Variants in SCN11A observed in about 807,000 individuals in gnomAD.
The protein encoded by SCN11A is sodium voltage-gated channel alpha subunit 11.
SCN11A carries 122 observed loss-of-function variants against 162.2 expected under a neutral mutation model. That is an observed-to-expected ratio of 0.75 (90% CI 0.65 to 0.87). The LOEUF (loss-of-function observed/expected upper bound fraction) is 0.87. Among genes scored for constraint, SCN11A ranks in the 40% least tolerant of loss-of-function variants. The pLI, the probability that SCN11A is intolerant of heterozygous loss-of-function variation, is 0.00. For synonymous variants in SCN11A, 758 were observed against 751.5 expected (o/e 1.01, Z -0.14); for missense variants, 2,015 against 2,181.6 (o/e 0.92, Z 1.52).
At chr3:38,859,043 T>C (rs1379392166) in intron 28 of SCN11A, among the ~76,000 whole-genome samples, 2 of 152,048 alleles carry the variant, frequency 1.3e-5, no homozygotes, top group Non-Finnish European at 2.9e-5. Flanking sequence ...GGAAAGTTTG[T>C]AGCATTAAAT....
intron 7 of SCN11A, among the ~76,000 whole-genome samples, chr3:38,931,451 A>G (rs2066239342): frequency 1.3e-5 from 2 of 152,284 alleles, no homozygotes. Flanking sequence ...AGATGTGTAC[A>G]TGATTTAGAG....
chr3:38,955,825 A>G (rs1237218848), intron 3 of SCN11A, among the ~76,000 whole-genome samples: 1 of 152,256 alleles, frequency 6.6e-6, no homozygotes, highest in Non-Finnish European at 1.5e-5. Context: ...GATGCATGGA[A>G]TCCAAGACAT....
intron 2 of SCN11A, among the ~76,000 whole-genome samples, chr3:38,979,242 G>A (rs2125589715): frequency 6.6e-6 from 1 of 152,350 alleles, no homozygotes; most frequent in South Asian, 2.1e-4. Context: ...GTGACTGAAT[G>A]GTTCCCAGAT....
In SCN11A at chr3:38,967,414, C is replaced by T. The variant is rs144325337; in HGVS notation, c.-279-6991G>A. 7.5e-3 allele frequency among the ~76,000 whole-genome samples: 1,140 copies of T among 152,318 alleles called. 3 individuals carry two copies. Among genetic ancestry groups the T allele is most frequent in the Middle Eastern group, 0.014 (4 of 294 alleles). On this transcript the variant is annotated intron_variant, in intron 2 of 29. Coordinates refer to ENST00000302328, the MANE Select transcript of SCN11A (RefSeq NM_001349253.2). ...CTCAATGAGCCCTACGGAGATTCCA[C>T]GTGGGGAGCATCTGAGGCCTCTTGT...
At chr3:39,034,375 T>C (rs947695189) in intron 1 of SCN11A, among the ~76,000 whole-genome samples, 1 of 152,156 alleles carries the variant, frequency 6.6e-6, no homozygotes, top group Admixed American at 6.5e-5. Context: ...CAATTGATGC[T>C]GAGAAAGCAT....
At chr3:38,948,353 A>G (rs1175970129) in intron 5 of SCN11A, among the ~76,000 whole-genome samples, 1 of 152,206 alleles carries the variant, frequency 6.6e-6, no homozygotes, top group Non-Finnish European at 1.5e-5. Context: ...TATTTTAACT[A>G]ATGGTGTATT....
rs151155193 is a variant in SCN11A at position 38,847,442 on chromosome 3, C to G, written c.4628G>C (p.Cys1543Ser). Residue 1543 changes from cysteine to serine, a missense_variant, in exon 30 of 30, where the codon TGT becomes TCT. Transcript: ENST00000302328. ...TGCTGATGTGCTTATCTGGAAGAGA[C>G]AGAGCATGCTGCTGGCAAAAGTCTT... ...NFKTFASSML[C>S]LFQISTSAGW... The G allele has an allele frequency of 7.4e-6, 12 of 1,614,170 alleles. No individual in the cohort carries two copies. The Admixed American group carries it at 1.8e-4, about 25-fold the overall frequency.
chr3:39,036,072 A>G (rs1323943600), intron 1 of SCN11A, among the ~76,000 whole-genome samples: 1 of 152,224 alleles, frequency 6.6e-6, no homozygotes, highest in East Asian at 1.9e-4. Context: ...CTTGATTGGC[A>G]TAGTGCGTTA....
intron 14 of SCN11A, among the ~76,000 whole-genome samples, chr3:38,906,225 C>T (rs1296362274): frequency 6.6e-6 from 1 of 152,154 alleles, no homozygotes; most frequent in Non-Finnish European, 1.5e-5. Flanking sequence ...GAAAGTGGCT[C>T]TTGCCATCTT....
At position 38,946,802 on chromosome 3, in the gene SCN11A, C is replaced by G; in HGVS notation, c.373G>C (p.Val125Leu). Residue 125 changes from valine (V) to leucine (L), a missense_variant, in exon 6 of 30, where the codon GTC becomes CTC. Val to Leu is a conservative substitution (Grantham distance 32). Coordinates refer to ENST00000302328, the MANE Select transcript of SCN11A (RefSeq NM_001349253.2). Reference protein sequence around the residue: ...FNSIRSLAIRVSVHSLFSMFI... With the variant: ...FNSIRSLAIRLSVHSLFSMFI... ...ATGAAAGGATATGAATGGACTGAGA[C>G]TCTAATGGCTAAACTTCTGATTGAA... The G allele has an allele frequency of 1.2e-6, 2 of 1,608,650 alleles. No individual in the cohort carries two copies. The highest frequency in any genetic ancestry group is 1.7e-6 in the Non-Finnish European group (2 of 1,175,426).
intron 19 of SCN11A, among the ~76,000 whole-genome samples, chr3:38,888,557 T>G (rs949438824): frequency 6.6e-6 from 1 of 152,242 alleles, no homozygotes; most frequent in Non-Finnish European, 1.5e-5. Context: ...TGTCTTTAAA[T>G]TAATACATAT....
At chr3:38,935,624 T>C (rs1312008537) in intron 7 of SCN11A, among the ~76,000 whole-genome samples, 1 of 152,202 alleles carries the variant, frequency 6.6e-6, no homozygotes, top group Non-Finnish European at 1.5e-5. Context: ...CTAGAAAATC[T>C]AGAAGAAATG....
chr3:38,847,690 C>G lies in SCN11A; in HGVS notation c.4380G>C (p.Thr1460=), dbSNP rs777033605. 1 of 1,612,744 alleles carries G rather than the reference C, an allele frequency of 6.2e-7. No homozygotes were observed. The highest frequency in any genetic ancestry group is 2.2e-5 in the East Asian group (1 of 44,872). ...ENQEHIPFPP[T]LFRIVRLARI... ...GAGCCAAGCGGACAATTCTGAAGAG[C>G]GTCGGAGGGAAAGGAATGTGCTCCT... is the stretch of plus-strand genomic sequence containing the variant. The change falls in exon 30 of 30, where the codon ACG becomes ACC. Residue 1460 remains threonine (T), a synonymous_variant. Transcript: ENST00000302328.
chr3:38,963,352 G>GAGAT lies in SCN11A; in HGVS notation c.-279-2930_-279-2929insATCT, dbSNP rs1196119271. 1.0e-3 allele frequency among the ~76,000 whole-genome samples: 40 copies of GAGAT among 38,276 alleles called. 1 individual carries two copies. Among genetic ancestry groups the GAGAT allele is most frequent in the South Asian group, 2.7e-3 (2 of 754 alleles). The allele number at this position is 38,276 out of a possible 152,430, so 25.1% of individuals were successfully genotyped here. A position where few individuals can be genotyped will look rare whatever the true frequency, so the allele number is the denominator to read the frequency against. On this transcript the variant is annotated intron_variant, in intron 2 of 29. Transcript: ENST00000302328. ...ATAAAGAAACTATATCTATTTGATG[G>GAGAT]ATATATATATATATATATATATATA... is the stretch of plus-strand genomic sequence containing the variant.
At chr3:38,922,916 A>T (rs964945896) in intron 9 of SCN11A, among the ~76,000 whole-genome samples, 1 of 152,140 alleles carries the variant, frequency 6.6e-6, no homozygotes, top group African/African-American at 2.4e-5. Context: ...CCACTGATAG[A>T]AGAGAAAAGA....
chr3:39,025,715 C>T (rs2031572017), intron 2 of SCN11A, among the ~76,000 whole-genome samples: 1 of 152,148 alleles, frequency 6.6e-6, no homozygotes, highest in South Asian at 2.1e-4. Context: ...TGGCTGGCTT[C>T]TTTACCACAG....
At chr3:39,004,278 GTCTT>G (rs757009481) in intron 2 of SCN11A, among the ~76,000 whole-genome samples, 1 of 152,142 alleles carries the variant, frequency 6.6e-6, no homozygotes, top group Non-Finnish European at 1.5e-5. Context: ...TGAATAGGGA[GTCTT>G]TCTCTCAATC....
chr3:38,915,085 A>G (rs1194663715), intron 11 of SCN11A, among the ~76,000 whole-genome samples: 3 of 151,970 alleles, frequency 2.0e-5, no homozygotes, highest in East Asian at 1.9e-4. Flanking sequence ...GAATTCAGCT[A>G]TGGATCCATC....
intron 7 of SCN11A, among the ~76,000 whole-genome samples, chr3:38,929,612 T>C (rs2066207581): frequency 6.6e-6 from 1 of 152,214 alleles, no homozygotes; most frequent in African/African-American, 2.4e-5. Flanking sequence ...CCCTGAATCT[T>C]CCATCATATT....
Sources: gnomAD v4.1 joint callset for allele counts (sites outside exome capture counted in the v4.1 genomes callset) on GRCh38, gnomAD v4.1.1 for gene constraint, MANE v1.5 for transcripts, NCBI Gene and HGNC (gene_info 2026-07-23, HGNC 2026-07-21) for gene names.